The following COP1 variants were observed in gnomAD, a reference collection of about 807,000 sequenced individuals.
COP1 encodes E3 ubiquitin-protein ligase COP1.
Under a neutral mutation model 101.3 loss-of-function variants are expected in COP1, and 24 were observed. That is an observed-to-expected ratio of 0.24 (90% confidence interval 0.17 to 0.33). The LOEUF is 0.33. Among genes scored for constraint, COP1 ranks in the 10% least tolerant of loss-of-function variants. The pLI, the probability that COP1 is intolerant of heterozygous loss-of-function variation, is 1.00. For missense variants in COP1, 663 were observed against 906.2 expected, an observed-to-expected ratio of 0.73 and a Z score of 3.45; for synonymous variants, 347 against 341.9, an observed-to-expected ratio of 1.01 and a Z score of -0.17.
At chr1:175,989,554 G>A in intron 15 of COP1, 75 bp from the exon 16 acceptor site, 1 of 819,770 alleles carries the variant, frequency 1.2e-6, no homozygotes, top group Non-Finnish European at 2.1e-6. Context: ...CTGGTTTTTG[G>A]TTTTTTCATT....
intron 18 of COP1, among the ~76,000 whole-genome samples, chr1:175,983,491 CT>C (rs1271024553): frequency 6.6e-6 from 1 of 152,160 alleles, no homozygotes; most frequent in Non-Finnish European, 1.5e-5. Context: ...AAACCTCTTT[CT>C]TTTGTAAATT....
chr1:175,956,974 C>T (rs1485796853), intron 18 of COP1, among the ~76,000 whole-genome samples: 1 of 151,804 alleles, frequency 6.6e-6, no homozygotes, highest in African/African-American at 2.4e-5. Flanking sequence ...TAAATAAATA[C>T]ATTTAAAAAT....
At chr1:176,107,905 T>C (rs929338218) in intron 9 of COP1, among the ~76,000 whole-genome samples, 2 of 152,060 alleles carry the variant, frequency 1.3e-5, no homozygotes. Context: ...CTGAGGGAAA[T>C]CCTATAAATA....
At chr1:175,989,029 A>T (rs113361536) in intron 16 of COP1, 1 of 187,878 alleles carries the variant, frequency 5.3e-6, no homozygotes, top group Non-Finnish European at 1.1e-5. Flanking sequence ...TATTGCATCA[A>T]CTATGTTGTT....
chr1:176,048,479 C>T (rs2149217350), intron 11 of COP1, among the ~76,000 whole-genome samples: 1 of 152,298 alleles, frequency 6.6e-6, no homozygotes, highest in South Asian at 2.1e-4. Flanking sequence ...GCCTCAGCTA[C>T]TACTTGCTGC....
At chr1:176,115,812 C>T (rs1686093894) in intron 9 of COP1, among the ~76,000 whole-genome samples, 1 of 151,864 alleles carries the variant, frequency 6.6e-6, no homozygotes, top group African/African-American at 2.4e-5. Flanking sequence ...CAAAAATAAG[C>T]TTGACAGATA....
At chr1:176,175,529 C>A (rs1349608872) in intron 3 of COP1, among the ~76,000 whole-genome samples, 1 of 152,128 alleles carries the variant, frequency 6.6e-6, no homozygotes, top group African/African-American at 2.4e-5. Context: ...GGTTCATACT[C>A]CTCTGAGAAT....
chr1:176,100,187 C>T (rs927823229), intron 9 of COP1: 6 of 174,146 alleles, frequency 3.4e-5, no homozygotes, highest in South Asian at 2.6e-4. Flanking sequence ...GTCAGGAGTT[C>T]GAGACCAGCC....
chr1:176,202,238 G>A (rs1700339193), intron 1 of COP1, among the ~76,000 whole-genome samples: 1 of 147,012 alleles, frequency 6.8e-6, no homozygotes, highest in Non-Finnish European at 1.5e-5. Context: ...CGTCCAGGCT[G>A]GAGTGCAGTG....
chr1:175,991,946 A>G (rs1312921334), intron 15 of COP1, among the ~76,000 whole-genome samples: 1 of 152,238 alleles, frequency 6.6e-6, no homozygotes, highest in East Asian at 1.9e-4. Flanking sequence ...TAGTAACTTA[A>G]AAAAACAAGT....
chr1:176,164,365 T>C (rs1468881432), intron 3 of COP1, among the ~76,000 whole-genome samples: 6 of 152,224 alleles, frequency 3.9e-5, no homozygotes, highest in African/African-American at 9.6e-5. Context: ...TTCTTGATAA[T>C]AACATGACTT....
At chr1:176,036,277 A>C (rs2149126452) in intron 14 of COP1, among the ~76,000 whole-genome samples, 1 of 152,110 alleles carries the variant, frequency 6.6e-6, no homozygotes, top group South Asian at 2.1e-4. Flanking sequence ...ATTAAACCCA[A>C]AGCAAGAAGA....
At chr1:176,115,902 T>C (rs970324171) in intron 9 of COP1, among the ~76,000 whole-genome samples, 1 of 152,170 alleles carries the variant, frequency 6.6e-6, no homozygotes, top group African/African-American at 2.4e-5. Context: ...AAGCTGATTA[T>C]CTATTTTACT....
intron 15 of COP1, among the ~76,000 whole-genome samples, chr1:176,009,885 G>C: frequency 7.1e-6 from 1 of 141,812 alleles, no homozygotes; most frequent in Admixed American, 7.1e-5. Context: ...CTTGGGGGGG[G>C]GGGGTCCGCA....
intron 8 of COP1, among the ~76,000 whole-genome samples, chr1:176,128,720 C>A (rs1358500930): frequency 6.6e-6 from 1 of 151,872 alleles, no homozygotes; most frequent in Non-Finnish European, 1.5e-5. Flanking sequence ...TTGTCATAAT[C>A]TTCCCCTTAA....
At chr1:176,197,196 G>C (rs1572805681) in intron 1 of COP1, among the ~76,000 whole-genome samples, 1 of 152,224 alleles carries the variant, frequency 6.6e-6, no homozygotes, top group East Asian at 1.9e-4. Flanking sequence ...ACAAAGCTAT[G>C]ACACAACAAC....
intron 6 of COP1, among the ~76,000 whole-genome samples, chr1:176,140,980 C>T (rs1400427937): frequency 6.6e-6 from 1 of 152,126 alleles, no homozygotes; most frequent in Non-Finnish European, 1.5e-5. Context: ...GTCTCAGAAT[C>T]CCTTACGAAG....
intron 14 of COP1, among the ~76,000 whole-genome samples, chr1:176,029,605 G>A (rs1668319269): frequency 1.3e-5 from 2 of 152,164 alleles, no homozygotes; most frequent in South Asian, 4.1e-4. Flanking sequence ...ACATTATCCA[G>A]AGAGGGTCCA....
rs774564467 is a variant in COP1, at chr1:176,027,552, A to AATCTGC, written c.1729+14_1729+19dup. On this transcript the variant is annotated intron_variant, in intron 15 of 19. Coordinates refer to ENST00000367669, the MANE Select transcript of COP1 (RefSeq NM_022457.7). ...ATTTAACCAACATCAAAGGAAGACA[A>AATCTGC]ATCTGCTTTCATTTCTTACCTGCAC... 7.1e-7 allele frequency: 1 copy of AATCTGC among 1,414,842 alleles called. No homozygotes were observed. Among genetic ancestry groups the AATCTGC allele is most frequent in the Non-Finnish European group, 1.0e-6 (1 of 999,350 alleles). The allele number at this position is 1,414,842 out of a possible 1,614,324, so 87.6% of individuals were successfully genotyped here. A position where few individuals can be genotyped will look rare whatever the true frequency, so the allele number is the denominator to read the frequency against.
Sources: gnomAD v4.1 joint callset for allele counts (sites outside exome capture counted in the v4.1 genomes callset) on GRCh38, gnomAD v4.1.1 for gene constraint, MANE v1.5 for transcripts, NCBI Gene and HGNC (gene_info 2026-07-23, HGNC 2026-07-21) for gene names.